The following EXOC2 variants were observed in gnomAD, a reference collection of about 807,000 sequenced individuals.
EXOC2 encodes the protein exocyst complex component 2.
A neutral mutation model predicts 131.8 loss-of-function variants in EXOC2; 70 were observed. The observed-to-expected ratio is 0.53, with a 90% CI of 0.44 to 0.65. The LOEUF is 0.65. Among genes scored for constraint, EXOC2 ranks in the 30% least tolerant of loss-of-function variants. The pLI is 0.00. For synonymous variants in EXOC2, 411 were observed against 398.4 expected, an observed-to-expected ratio of 1.03 and a Z score of -0.38; for missense variants, 923 against 1,108.6, an observed-to-expected ratio of 0.83 and a Z score of 2.38.
intron 11 of EXOC2, among the ~76,000 whole-genome samples, chr6:583,659 C>T (rs960611415): frequency 6.6e-6 from 1 of 152,244 alleles, no homozygotes; most frequent in Non-Finnish European, 1.5e-5. Flanking sequence ...TACTTTCTCA[C>T]TGTGTGCACA....
intron 1 of EXOC2, among the ~76,000 whole-genome samples, chr6:681,667 A>G (rs1001087216): frequency 3.3e-5 from 5 of 152,248 alleles, no homozygotes; most frequent in African/African-American, 9.6e-5. Context: ...AGAGAATGGG[A>G]TAGTACTGAG....
rs56251921 is a variant in EXOC2 at position 604,844 on chromosome 6, C to T, written c.742+5254G>A. Among the ~76,000 whole-genome samples the T allele has an allele frequency of 9.5e-3, 1,427 of 150,294 alleles. 30 individuals carry two copies. The highest frequency in any genetic ancestry group is 0.033 in the African/African-American group (1,338 of 39,964). On this transcript the variant is annotated intron_variant, in intron 7 of 27. Coordinates refer to ENST00000230449, the MANE Select transcript of EXOC2 (RefSeq NM_018303.6). The stretch of plus-strand genomic sequence containing the variant: ...CCACTCAGCCGCCCACCGCCGGCCT[C>T]TGCTTGTCTGGGTACTTCCTGCTCC...
At chr6:512,695 T>C (rs1764922796) in intron 23 of EXOC2, among the ~76,000 whole-genome samples, 1 of 152,218 alleles carries the variant, frequency 6.6e-6, no homozygotes, top group Admixed American at 6.5e-5. Context: ...GTCTGACCCA[T>C]GCCCTGTACA....
At chr6:640,872 C>G (rs80327223) in intron 1 of EXOC2, among the ~76,000 whole-genome samples, 3,656 of 134,368 alleles carry the variant, frequency 0.027, 165 homozygotes, top group African/African-American at 0.093. Context: ...TACCAAACTA[C>G]TAACAGCAGG....
chr6:541,324 A>G (rs1766806681), intron 22 of EXOC2, among the ~76,000 whole-genome samples: 1 of 152,266 alleles, frequency 6.6e-6, no homozygotes, highest in Non-Finnish European at 1.5e-5. Flanking sequence ...ACAGCTAAAA[A>G]GACACTTAGA....
chr6:666,319 T>A (rs1303939842), intron 1 of EXOC2, among the ~76,000 whole-genome samples: 1 of 152,218 alleles, frequency 6.6e-6, no homozygotes, highest in African/African-American at 2.4e-5. Context: ...GTCAAAACCA[T>A]TGGAAAATAT....
At chr6:647,270 A>G (rs182412435) in intron 1 of EXOC2, among the ~76,000 whole-genome samples, 95 of 152,142 alleles carry the variant, frequency 6.2e-4, no homozygotes, top group African/African-American at 2.1e-3. Context: ...TTCCAGAAAA[A>G]CAGTAGTATT....
chr6:598,807 A>T, intron 9 of EXOC2, 53 bp downstream of exon 9: 3 of 1,422,322 alleles, frequency 2.1e-6, no homozygotes, highest in Non-Finnish European at 2.9e-6. Context: ...CACATTCCAC[A>T]TTCTTCCTAT....
chr6:581,789 T>A (rs2127608563), intron 11 of EXOC2, among the ~76,000 whole-genome samples: 1 of 152,322 alleles, frequency 6.6e-6, no homozygotes, highest in Non-Finnish European at 1.5e-5. Context: ...CACAACTGTT[T>A]TTAACTACTG....
At chr6:617,149 A>G (rs761172464) in intron 6 of EXOC2, among the ~76,000 whole-genome samples, 30 of 152,218 alleles carry the variant, frequency 2.0e-4, no homozygotes, top group Non-Finnish European at 3.7e-4. Context: ...CTAAATAGCA[A>G]TAATTAAACT....
intron 1 of EXOC2, among the ~76,000 whole-genome samples, chr6:691,319 C>T (rs1272339370): frequency 2.6e-5 from 4 of 152,178 alleles, no homozygotes; most frequent in East Asian, 3.8e-4. Flanking sequence ...CACTTATACA[C>T]GGATTTTTTC....
intron 1 of EXOC2, among the ~76,000 whole-genome samples, chr6:673,755 T>C (rs1469340104): frequency 6.6e-6 from 1 of 152,172 alleles, no homozygotes; most frequent in Non-Finnish European, 1.5e-5. Context: ...GCCTTCCCAA[T>C]ATGAAACACA....
At chr6:572,829 C>G (rs918568316) in intron 12 of EXOC2, among the ~76,000 whole-genome samples, 185 bp from the exon 13 acceptor site, 1 of 152,222 alleles carries the variant, frequency 6.6e-6, no homozygotes, top group Non-Finnish European at 1.5e-5. Flanking sequence ...TCACCAGACA[C>G]CCCCGCATTT....
intron 1 of EXOC2, among the ~76,000 whole-genome samples, chr6:678,788 C>T (rs1485594714): frequency 1.3e-5 from 2 of 152,074 alleles, no homozygotes; most frequent in African/African-American, 2.4e-5. Flanking sequence ...GATGATGGGC[C>T]GTAGTCAGGA....
intron 11 of EXOC2, among the ~76,000 whole-genome samples, chr6:584,055 C>T (rs1319811935): frequency 6.6e-6 from 1 of 152,174 alleles, no homozygotes. Context: ...TCCTAATGTG[C>T]AACCTTATTA....
chr6:656,308 A>G (rs750735084), intron 1 of EXOC2: 2 of 1,614,156 alleles, frequency 1.2e-6, no homozygotes, highest in South Asian at 2.2e-5. Context: ...CCCACAGCCG[A>G]CTGGGGAGGG....
chr6:502,076 C>G (rs558002804), intron 23 of EXOC2, among the ~76,000 whole-genome samples: 1 of 152,278 alleles, frequency 6.6e-6, no homozygotes, highest in Non-Finnish European at 1.5e-5. Context: ...CACCCAGGGG[C>G]GGAGATCCAC....
intron 1 of EXOC2, among the ~76,000 whole-genome samples, 197 bp downstream of exon 1, chr6:692,822 C>A (rs989811388): frequency 3.2e-5 from 1 of 31,242 alleles, no homozygotes; most frequent in Non-Finnish European, 1.2e-4. Context: ...CAGCAGGCGG[C>A]TGACGGCGGG....
chr6:643,432 G>A (rs1762443314), intron 1 of EXOC2, among the ~76,000 whole-genome samples: 1 of 151,988 alleles, frequency 6.6e-6, no homozygotes, highest in Non-Finnish European at 1.5e-5. Context: ...CCAGGTATTT[G>A]GAAATTAATA....
Sources: gnomAD v4.1 joint callset for allele counts (sites outside exome capture counted in the v4.1 genomes callset) on GRCh38, gnomAD v4.1.1 for gene constraint, MANE v1.5 for transcripts, NCBI Gene and HGNC (gene_info 2026-07-23, HGNC 2026-07-21) for gene names.